Variants in TRPC4 observed in about 807,000 individuals in gnomAD.
TRPC4 encodes short transient receptor potential channel 4.
A neutral mutation model predicts 99.4 loss-of-function variants in TRPC4; 49 were observed. That is an observed-to-expected ratio of 0.49 (90% CI 0.39 to 0.63). The LOEUF (loss-of-function observed/expected upper bound fraction) is 0.63, where lower values mean the gene tolerates loss of function less well. Ranked by LOEUF, TRPC4 falls within the 20% of genes least tolerant of loss-of-function variation. The pLI is 0.00. For synonymous variants in TRPC4, 454 were observed against 425.9 expected, an observed-to-expected ratio of 1.07 and a Z score of -0.81; for missense variants, 898 against 1,152.9, an observed-to-expected ratio of 0.78 and a Z score of 3.20.
intron 7 of TRPC4, among the ~76,000 whole-genome samples, chr13:37,652,310 T>A (rs977266656): frequency 1.3e-5 from 2 of 152,240 alleles, no homozygotes; most frequent in African/African-American, 4.8e-5. Flanking sequence ...GTTAATATCA[T>A]AAACACGAAC....
At chr13:37,834,171 A>T (rs150946169) in intron 1 of TRPC4, among the ~76,000 whole-genome samples, 3 of 151,796 alleles carry the variant, frequency 2.0e-5, no homozygotes, top group African/African-American at 7.3e-5. Flanking sequence ...TTAAAACATA[A>T]ACACTGTTTA....
chr13:37,751,341 T>C (rs1163613928), intron 2 of TRPC4, among the ~76,000 whole-genome samples: 1 of 152,054 alleles, frequency 6.6e-6, no homozygotes, highest in African/African-American at 2.4e-5. Context: ...ATTCAAAATA[T>C]ACACAAATGT....
intron 5 of TRPC4, among the ~76,000 whole-genome samples, chr13:37,671,033 T>C (rs976905358): frequency 6.6e-6 from 1 of 152,184 alleles, no homozygotes; most frequent in Non-Finnish European, 1.5e-5. Flanking sequence ...TTCTCTTTCA[T>C]CTACCTGACC....
intron 2 of TRPC4, among the ~76,000 whole-genome samples, chr13:37,762,367 T>G (rs967036240): frequency 2.6e-5 from 4 of 151,648 alleles, no homozygotes; most frequent in South Asian, 2.1e-4. Context: ...CCGTTACTGG[T>G]TATATACCCA....
chr13:37,653,410 G>GAAGA (rs201576117), intron 7 of TRPC4, among the ~76,000 whole-genome samples: 6 of 150,752 alleles, frequency 4.0e-5, no homozygotes, highest in Non-Finnish European at 8.9e-5. Context: ...AAAGAAAGAG[G>GAAGA]AAGAAAGAAA....
intron 2 of TRPC4, among the ~76,000 whole-genome samples, chr13:37,757,244 T>C (rs1343795885): frequency 2.0e-5 from 3 of 152,054 alleles, no homozygotes; most frequent in Non-Finnish European, 4.4e-5. Flanking sequence ...ATTTCTACTA[T>C]TGACAAAGAC....
At chr13:37,739,480 G>A (rs1354089500) in intron 3 of TRPC4, among the ~76,000 whole-genome samples, 1 of 150,766 alleles carries the variant, frequency 6.6e-6, no homozygotes, top group Non-Finnish European at 1.5e-5. Flanking sequence ...TGATGTCCAT[G>A]AGAAAAAGTC....
At chr13:37,819,099 T>C (rs974918270) in intron 1 of TRPC4, among the ~76,000 whole-genome samples, 1 of 152,058 alleles carries the variant, frequency 6.6e-6, no homozygotes, top group African/African-American at 2.4e-5. Flanking sequence ...CACTGATCAT[T>C]AGAGACATGC....
intron 1 of TRPC4, among the ~76,000 whole-genome samples, chr13:37,810,276 C>T (rs574024454): frequency 2.0e-5 from 3 of 152,026 alleles, no homozygotes; most frequent in African/African-American, 7.2e-5. Flanking sequence ...TATTATTATT[C>T]CCATTACACA....
intron 1 of TRPC4, among the ~76,000 whole-genome samples, chr13:37,846,419 T>G (rs1449571646): frequency 6.6e-6 from 1 of 152,018 alleles, no homozygotes; most frequent in African/African-American, 2.4e-5. Flanking sequence ...GAATGTAAAT[T>G]TTGGCATTAA....
At chr13:37,699,553 TAAA>T (rs1954033554) in intron 3 of TRPC4, among the ~76,000 whole-genome samples, 1 of 152,166 alleles carries the variant, frequency 6.6e-6, no homozygotes, top group Non-Finnish European at 1.5e-5. Flanking sequence ...AAACATTGGC[TAAA>T]ATGCTTGAGA....
intron 1 of TRPC4, among the ~76,000 whole-genome samples, chr13:37,841,850 C>T (rs1346448323): frequency 6.6e-6 from 1 of 152,084 alleles, no homozygotes; most frequent in South Asian, 2.1e-4. Flanking sequence ...ATGAAGCATG[C>T]CACTATCATG....
chr13:37,738,086 GA>G (rs1955456966), intron 3 of TRPC4, among the ~76,000 whole-genome samples: 1 of 152,004 alleles, frequency 6.6e-6, no homozygotes. Flanking sequence ...TTTTAAATAG[GA>G]TATTGATTTC....
Position 37,762,494 on chromosome 13 carries a change from T to G in TRPC4, c.379-16039A>C, listed in dbSNP as rs374771412. On this transcript the variant is annotated intron_variant, in intron 2 of 10. Coordinates refer to ENST00000379705, the MANE Select transcript of TRPC4 (RefSeq NM_016179.4). Reference sequence around the variant, plus strand: ...AATGTCCAACAATGATAGACTGGATTAAGAAAATGTGGCACATATACACCA... The same window carrying G: ...AATGTCCAACAATGATAGACTGGATGAAGAAAATGTGGCACATATACACCA... Among the ~76,000 whole-genome samples, 79 of 151,318 alleles carry G rather than the reference T, an allele frequency of 5.2e-4. No homozygotes were observed. The East Asian group carries it at 9.3e-3, about 18-fold the overall frequency.
At chr13:37,729,262 T>A (rs918438385) in intron 3 of TRPC4, among the ~76,000 whole-genome samples, 21 of 151,974 alleles carry the variant, frequency 1.4e-4, no homozygotes, top group African/African-American at 5.1e-4. Flanking sequence ...GAAATGCATA[T>A]CAAAACTACA....
chr13:37,762,213 C>T (rs1566151676), intron 2 of TRPC4, among the ~76,000 whole-genome samples: 1 of 151,694 alleles, frequency 6.6e-6, no homozygotes, highest in Non-Finnish European at 1.5e-5. Flanking sequence ...GTTTACAGTC[C>T]CACCAACAGT....
chr13:37,725,486 A>C (rs868571353), intron 3 of TRPC4, among the ~76,000 whole-genome samples: 3 of 152,192 alleles, frequency 2.0e-5, no homozygotes, highest in Non-Finnish European at 4.4e-5. Flanking sequence ...TGAAAGCAGT[A>C]TGAAAGAAGA....
chr13:37,666,718 T>A (rs1952658122), intron 5 of TRPC4, among the ~76,000 whole-genome samples: 1 of 152,196 alleles, frequency 6.6e-6, no homozygotes, highest in Non-Finnish European at 1.5e-5. Flanking sequence ...TAGGAGCAAT[T>A]TACAAAACCT....
chr13:37,823,815 A>T (rs1272161380), intron 1 of TRPC4, among the ~76,000 whole-genome samples: 3 of 149,886 alleles, frequency 2.0e-5, no homozygotes, highest in Non-Finnish European at 4.4e-5. Context: ...GAAGAAAGTC[A>T]TTGGTAGCTT....
Sources: gnomAD v4.1 joint callset for allele counts (sites outside exome capture counted in the v4.1 genomes callset) on GRCh38, gnomAD v4.1.1 for gene constraint, MANE v1.5 for transcripts, NCBI Gene and HGNC (gene_info 2026-07-23, HGNC 2026-07-21) for gene names.